The following KIAA2012 variants were observed in gnomAD, a reference collection of about 807,000 sequenced individuals.
KIAA2012 encodes uncharacterized protein KIAA2012.
In KIAA2012, 125 loss-of-function variants were observed where a neutral mutation model predicts 150.6. The ratio of observed to expected loss-of-function variants is 0.83; its 90% confidence interval spans 0.72 to 0.96. The LOEUF is 0.96. KIAA2012 is among the 40% of genes least tolerant of loss of function. The probability of loss-of-function intolerance (pLI) is 0.00; values close to 1 mark genes in which losing one functional copy is unlikely to be tolerated. For missense variants in KIAA2012, 1,219 were observed against 1,354.9 expected (o/e 0.90, Z 1.57); for synonymous variants, 462 against 504.7 (o/e 0.92, Z 1.13).
chr2:202,188,296 T>A, intron 18 of KIAA2012, 30 bp downstream of exon 18: 1 of 1,516,264 alleles, frequency 6.6e-7, no homozygotes, highest in Non-Finnish European at 8.9e-7. Context: ...AGTAACAACC[T>A]GGAGAAGACT....
At chr2:202,082,054 G>T (rs1689462282) in intron 2 of KIAA2012, among the ~76,000 whole-genome samples, 1 of 152,092 alleles carries the variant, frequency 6.6e-6, no homozygotes, top group Non-Finnish European at 1.5e-5. Context: ...GGTTTGATTT[G>T]CATTTACCTA....
chr2:202,083,797 A>G (rs1460823913), intron 2 of KIAA2012, among the ~76,000 whole-genome samples: 1 of 152,184 alleles, frequency 6.6e-6, no homozygotes, highest in Non-Finnish European at 1.5e-5. Flanking sequence ...ACAGGAGTGC[A>G]CAATCTGGTG....
chr2:202,106,681 T>C (rs1293454307), intron 9 of KIAA2012, among the ~76,000 whole-genome samples: 1 of 147,522 alleles, frequency 6.8e-6, no homozygotes, highest in Admixed American at 6.7e-5. Flanking sequence ...AGCAAGACCC[T>C]GTCTAAAAAT....
At chr2:202,179,538 A>G in intron 15 of KIAA2012, 1 of 692,098 alleles carries the variant, frequency 1.4e-6, no homozygotes, top group South Asian at 1.4e-5. Flanking sequence ...GTGGGCCCAG[A>G]TAACAAAGTG....
intron 2 of KIAA2012, among the ~76,000 whole-genome samples, chr2:202,089,815 A>C (rs1689672748): frequency 6.6e-6 from 1 of 152,242 alleles, no homozygotes; most frequent in Admixed American, 6.5e-5. Flanking sequence ...TGGGTGGATG[A>C]AAATGTTCTG....
chr2:202,172,078 C>T (rs1386814333), intron 15 of KIAA2012, among the ~76,000 whole-genome samples: 3 of 152,204 alleles, frequency 2.0e-5, no homozygotes, highest in Non-Finnish European at 2.9e-5. Context: ...CCGCGTCGGC[C>T]TCCCAAACTG....
At chr2:202,142,539 A>G (rs1030705439) in intron 13 of KIAA2012, among the ~76,000 whole-genome samples, 3 of 152,238 alleles carry the variant, frequency 2.0e-5, no homozygotes, top group African/African-American at 7.2e-5. Flanking sequence ...CTCCTAAACC[A>G]TAATTTCTAA....
At chr2:202,088,439 A>G (rs2105913568) in intron 2 of KIAA2012, among the ~76,000 whole-genome samples, 1 of 152,368 alleles carries the variant, frequency 6.6e-6, no homozygotes, top group Admixed American at 6.5e-5. Flanking sequence ...AAAATTATTC[A>G]GAGAAGAAAT....
chr2:202,078,268 A>G (rs553371869), intron 2 of KIAA2012, among the ~76,000 whole-genome samples: 58 of 152,372 alleles, frequency 3.8e-4, no homozygotes, highest in African/African-American at 1.1e-3. Flanking sequence ...CATGAATAAC[A>G]TGAGAAAATC....
chr2:202,195,887 A>G (rs1398635587), intron 21 of KIAA2012, among the ~76,000 whole-genome samples: 2 of 152,218 alleles, frequency 1.3e-5, no homozygotes, highest in Non-Finnish European at 2.9e-5. Flanking sequence ...GTAGTGTTCC[A>G]TCATGTATAT....
intron 12 of KIAA2012, among the ~76,000 whole-genome samples, chr2:202,127,077 C>T (rs1225396041): frequency 1.3e-5 from 2 of 151,094 alleles, no homozygotes; most frequent in Non-Finnish European, 2.9e-5. Context: ...GGATTTGCAA[C>T]TTCTAGAGAT....
chr2:202,196,340 G>A (rs1451966699), intron 21 of KIAA2012, among the ~76,000 whole-genome samples: 1 of 151,524 alleles, frequency 6.6e-6, no homozygotes, highest in East Asian at 1.9e-4. Flanking sequence ...GACTACAGGC[G>A]CCTGCCACCA....
chr2:202,204,898 A>G (rs1416246478), intron 23 of KIAA2012, 100 bp from the exon 24 acceptor site: 1 of 152,236 alleles, frequency 6.6e-6, no homozygotes, highest in Non-Finnish European at 1.5e-5. Flanking sequence ...AGAAAGGAGC[A>G]TCTCAAATAA....
chr2:202,168,687 C>A (rs184849748), intron 15 of KIAA2012, among the ~76,000 whole-genome samples: 1 of 152,222 alleles, frequency 6.6e-6, no homozygotes, highest in Non-Finnish European at 1.5e-5. Flanking sequence ...AATGAAGCAG[C>A]CTTCCAGCCT....
chr2:202,092,637 T>C (rs1414608693), intron 3 of KIAA2012, among the ~76,000 whole-genome samples: 2 of 152,092 alleles, frequency 1.3e-5, no homozygotes, highest in Non-Finnish European at 2.9e-5. Context: ...TAAATACTTA[T>C]AGAATGACTG....
chr2:202,140,295 CAGA>C (rs916727733), intron 13 of KIAA2012, among the ~76,000 whole-genome samples: 4 of 152,142 alleles, frequency 2.6e-5, no homozygotes, highest in African/African-American at 9.7e-5. Context: ...ACTTTGTAGT[CAGA>C]AGAAGGAACA....
chr2:202,102,024 G>A (rs1690055668), intron 7 of KIAA2012, among the ~76,000 whole-genome samples: 1 of 152,030 alleles, frequency 6.6e-6, no homozygotes, highest in Non-Finnish European at 1.5e-5. Flanking sequence ...CTATGAAACT[G>A]AACTCCTGAA....
chr2:202,198,680 C>A (rs904238887), intron 22 of KIAA2012, among the ~76,000 whole-genome samples: 1 of 152,160 alleles, frequency 6.6e-6, no homozygotes, highest in African/African-American at 2.4e-5. Flanking sequence ...GTGAAAGCAA[C>A]TAATAATCGT....
At chr2:202,174,525 A>G (rs974447460) in intron 15 of KIAA2012, among the ~76,000 whole-genome samples, 1 of 152,250 alleles carries the variant, frequency 6.6e-6, no homozygotes, top group African/African-American at 2.4e-5. Flanking sequence ...ATCAATACAC[A>G]GAAATCAATT....
Sources: allele counts gnomAD v4.1 joint callset (sites outside exome capture counted in the v4.1 genomes callset), GRCh38; gene constraint gnomAD v4.1.1; transcripts MANE v1.5; gene names NCBI Gene and HGNC (gene_info 2026-07-23, HGNC 2026-07-21).